The following PKHD1L1 variants were observed in gnomAD, a reference collection of about 807,000 sequenced individuals.
PKHD1L1 encodes fibrocystin-L.
A neutral mutation model predicts 462.9 loss-of-function variants in PKHD1L1; 434 were observed. The ratio of observed to expected loss-of-function variants is 0.94; its 90% confidence interval spans 0.87 to 1.02. The LOEUF is 1.02. Ranked by LOEUF, PKHD1L1 falls within the 50% of genes least tolerant of loss-of-function variation. The pLI, the probability that PKHD1L1 is intolerant of heterozygous loss-of-function variation, is 0.00. For missense variants in PKHD1L1, 5,202 were observed against 5,096.1 expected, an observed-to-expected ratio of 1.02 and a Z score of -0.63; for synonymous variants, 1,781 against 1,750.0, an observed-to-expected ratio of 1.02 and a Z score of -0.44.
chr8:109,419,015 A>C, intron 21 of PKHD1L1, 82 bp from the exon 22 acceptor site: 3 of 1,226,106 alleles, frequency 2.4e-6, no homozygotes, highest in Non-Finnish European at 3.4e-6. Context: ...ATTTTACTCT[A>C]TAAAATTTTA....
chr8:109,470,148 T>A, intron 50 of PKHD1L1: 1 of 631,916 alleles, frequency 1.6e-6, no homozygotes, highest in Non-Finnish European at 2.8e-6. Flanking sequence ...TACAAGTTGA[T>A]CCCCAAAAAT....
chr8:109,429,499 T>A (rs543082654), intron 26 of PKHD1L1, 37 bp downstream of exon 26: 2 of 1,568,762 alleles, frequency 1.3e-6, no homozygotes, highest in Admixed American at 3.6e-5. Context: ...CTTAATGTAA[T>A]TTTAATAGTA....
intron 73 of PKHD1L1, among the ~76,000 whole-genome samples, chr8:109,521,093 CAA>C (rs1210210708): frequency 1.3e-5 from 2 of 152,084 alleles, no homozygotes; most frequent in Admixed American, 6.6e-5. Flanking sequence ...AGCCTTTTTC[CAA>C]AAGAGTCTGA....
intron 14 of PKHD1L1, among the ~76,000 whole-genome samples, chr8:109,402,632 C>T (rs1813330469): frequency 6.6e-6 from 1 of 152,170 alleles, no homozygotes; most frequent in African/African-American, 2.4e-5. Context: ...TTGCTAATAT[C>T]CCATTGCCCA....
intron 18 of PKHD1L1, 49 bp downstream of exon 18, chr8:109,408,255 C>T (rs751472085): frequency 6.6e-6 from 10 of 1,515,300 alleles, no homozygotes; most frequent in Non-Finnish European, 8.1e-6. Context: ...CACCCTCTCA[C>T]ATCATTCATG....
intron 17 of PKHD1L1, among the ~76,000 whole-genome samples, chr8:109,406,907 C>T (rs1025060030): frequency 2.7e-5 from 4 of 150,452 alleles, no homozygotes; most frequent in Non-Finnish European, 5.9e-5. Context: ...ATATTAAAAT[C>T]CCTGAGGAGT....
At chr8:109,469,054 C>G (rs750009055) in intron 50 of PKHD1L1, among the ~76,000 whole-genome samples, 18 of 152,158 alleles carry the variant, frequency 1.2e-4, no homozygotes, top group Non-Finnish European at 2.4e-4. Flanking sequence ...CAGATTCCTG[C>G]AGTTCAGAGC....
chr8:109,404,838 T>C (rs1813449958), intron 15 of PKHD1L1, 125 bp downstream of exon 15: 1 of 1,188,260 alleles, frequency 8.4e-7, no homozygotes, highest in East Asian at 2.7e-5. Flanking sequence ...AATTATTAAA[T>C]TATGACTTTG....
chr8:109,454,722 G>A lies in PKHD1L1; in HGVS notation c.6745-1G>A. 1 of 1,613,294 alleles carries A rather than the reference G, an allele frequency of 6.2e-7. No homozygotes were observed. Among genetic ancestry groups the A allele is most frequent in the Non-Finnish European group, 8.5e-7 (1 of 1,179,504 alleles). On this transcript the variant is annotated splice_acceptor_variant, in intron 44 of 77. Coordinates refer to ENST00000378402, the MANE Select transcript of PKHD1L1 (RefSeq NM_177531.6). LOFTEE classifies it high-confidence loss of function. ...AATGGCATTTGTGACATCTTTTGCA[G>A]ATTGGAACAGAGACATCCCCATTCC...
chr8:109,467,806 GT>G (rs1817529448), intron 50 of PKHD1L1, among the ~76,000 whole-genome samples: 1 of 152,024 alleles, frequency 6.6e-6, no homozygotes, highest in Non-Finnish European at 1.5e-5. Context: ...ATCAAATATG[GT>G]TTTTTACATT....
chr8:109,483,031 T>A lies in PKHD1L1; in HGVS notation c.9502T>A (p.Tyr3168Asn). The change falls in exon 57 of 78, where the codon TAT becomes AAT. Residue 3168 changes from tyrosine (Y) to asparagine (N), a missense_variant. Tyr to Asn is a moderately radical substitution (Grantham distance 143). Around this residue, in one of 3 missense-constraint regions of PKHD1L1, gnomAD observed 4,497 missense variants for 4,336.8 expected, o/e 1.04. Coordinates refer to ENST00000378402, the MANE Select transcript of PKHD1L1 (RefSeq NM_177531.6). ...TCTTCATGGAATTCCACATTCAATA[T>A]ATAAAACTAAGCTCTCAGAAACTGC... ...LDLHGIPHSIYKTKLSETAFA... is the reference protein window; with the variant it reads ...LDLHGIPHSINKTKLSETAFA... The A allele has an allele frequency of 6.2e-7, 1 of 1,600,124 alleles. No individual in the cohort carries two copies.
chr8:109,504,783 G>A (rs1243668238), intron 68 of PKHD1L1, among the ~76,000 whole-genome samples: 1 of 152,078 alleles, frequency 6.6e-6, no homozygotes, highest in Non-Finnish European at 1.5e-5. Flanking sequence ...GGTCTGAAGT[G>A]TGTTATACAT....
intron 2 of PKHD1L1, among the ~76,000 whole-genome samples, chr8:109,377,036 A>G (rs889639075): frequency 2.6e-5 from 4 of 152,232 alleles, no homozygotes; most frequent in Non-Finnish European, 4.4e-5. Flanking sequence ...AGAAACCACA[A>G]GTATTCATGT....
chr8:109,407,167 T>C (rs1001624997), intron 17 of PKHD1L1, among the ~76,000 whole-genome samples: 1 of 152,168 alleles, frequency 6.6e-6, no homozygotes, highest in Non-Finnish European at 1.5e-5. Flanking sequence ...TACTTTTCTT[T>C]GGGCAATCAT....
chr8:109,416,997 T>C (rs1814208103), intron 21 of PKHD1L1, among the ~76,000 whole-genome samples: 1 of 152,212 alleles, frequency 6.6e-6, no homozygotes, highest in Non-Finnish European at 1.5e-5. Flanking sequence ...CTTGTTCTTC[T>C]GTATCAATCA....
chr8:109,488,187 C>T (rs1262854061), intron 59 of PKHD1L1, among the ~76,000 whole-genome samples: 1 of 151,820 alleles, frequency 6.6e-6, no homozygotes, highest in African/African-American at 2.4e-5. Flanking sequence ...GGAAAAAATG[C>T]TTGATTTTTC....
chr8:109,370,684 G>A (rs1382625293), intron 2 of PKHD1L1, among the ~76,000 whole-genome samples: 1 of 151,926 alleles, frequency 6.6e-6, no homozygotes, highest in Non-Finnish European at 1.5e-5. Context: ...ACAGGCCCCA[G>A]TGTGTGATGT....
chr8:109,522,823 A>G lies in PKHD1L1; in HGVS notation c.12263A>G (p.Gln4088Arg). 6.2e-7 allele frequency: 1 copy of G among 1,612,344 alleles called. No individual in the cohort carries two copies. The change falls in exon 75 of 78, where the codon CAG (glutamine) becomes CGG (arginine). Residue 4088 changes from glutamine (Q) to arginine (R), a missense_variant. This residue lies in a region of PKHD1L1 where 698 missense variants were observed against 736.3 expected (regional missense o/e 0.95). Coordinates refer to ENST00000378402, the MANE Select transcript of PKHD1L1 (RefSeq NM_177531.6). ...GTGTCCTCACTCTTAGTGATCACTC[A>G]GCCGGTGGCAGCACAGCCAGGACAG... is the stretch of plus-strand genomic sequence containing the variant. ...AFVSSLLVIT[Q>R]PVAAQPGQPF...
chr8:109,380,301 T>G (rs771975514), intron 2 of PKHD1L1, among the ~76,000 whole-genome samples: 4 of 152,084 alleles, frequency 2.6e-5, no homozygotes, highest in Non-Finnish European at 5.9e-5. Context: ...GCTTAATATG[T>G]AGGCCATGAG....
Sources: allele counts gnomAD v4.1 joint callset (sites outside exome capture counted in the v4.1 genomes callset), GRCh38; gene constraint gnomAD v4.1.1; regional missense constraint gnomAD v4.1.1; transcripts MANE v1.5; gene names NCBI Gene and HGNC (gene_info 2026-07-23, HGNC 2026-07-21).